The following OPTN variants were observed in gnomAD, a reference collection of about 807,000 sequenced individuals.
OPTN encodes E3-14.7K-interacting protein.
Under a neutral mutation model 70.4 loss-of-function variants are expected in OPTN, and 54 were observed. That is an observed-to-expected ratio of 0.77 (90% CI 0.62 to 0.96). The LOEUF (loss-of-function observed/expected upper bound fraction) is 0.96, where lower values mean the gene tolerates loss of function less well. OPTN is among the 40% of genes least tolerant of loss of function. The pLI is 0.00. For missense variants in OPTN, 624 were observed against 673.2 expected (o/e 0.93, Z 0.81); for synonymous variants, 256 against 248.5 (o/e 1.03, Z -0.28).
At chr10:13,133,399 A>T in intron 13 of OPTN, 103 bp from the exon 14 acceptor site, 1 of 943,000 alleles carries the variant, frequency 1.1e-6, no homozygotes, top group East Asian at 2.5e-5. Flanking sequence ...TTGGCAGTGT[A>T]GTTTGAGTCT....
rs932681209 is a variant in OPTN at position 13,138,181 on chromosome 10, CT to C, written c.*1317del. On this transcript the variant is annotated 3_prime_UTR_variant, in exon 15 of 15. Coordinates refer to ENST00000378747, the MANE Select transcript of OPTN (RefSeq NM_001008212.2). Reference sequence around the variant, plus strand: ...AGAAGGTGAATAGGTAGGGATTTGCCTTGTTTTGTAAGTCTACAATTTGCCA... The same window carrying C: ...AGAAGGTGAATAGGTAGGGATTTGCCTGTTTTGTAAGTCTACAATTTGCCA... 3.7e-5 allele frequency: 7 copies of C among 191,170 alleles called. No individual in the cohort carries two copies. Among genetic ancestry groups the C allele is most frequent in the Admixed American group, 2.5e-4 (4 of 16,274 alleles). 11.8% of individuals were successfully genotyped at this position (191,170 alleles called of 1,614,324 possible). A position where few individuals can be genotyped will look rare whatever the true frequency, so the allele number is the denominator to read the frequency against.
intron 1 of OPTN, among the ~76,000 whole-genome samples, chr10:13,106,897 C>A (rs555200422): frequency 9.8e-4 from 149 of 152,288 alleles, no homozygotes; most frequent in African/African-American, 3.4e-3. Flanking sequence ...TTCACACAGG[C>A]TCCATAGTCA....
At chr10:13,111,912 ATCTC>A (rs1225835647) in intron 4 of OPTN, among the ~76,000 whole-genome samples, 12 of 137,478 alleles carry the variant, frequency 8.7e-5, no homozygotes, top group African/African-American at 1.9e-4. Context: ...CAGTGGCATA[ATCTC>A]GGCTCACTGC....
chr10:13,118,208 G>A (rs1195883519), intron 6 of OPTN, among the ~76,000 whole-genome samples: 1 of 152,208 alleles, frequency 6.6e-6, no homozygotes, highest in Admixed American at 6.5e-5. Context: ...TTTAATCCTG[G>A]CTGTTTATTA....
At chr10:13,109,941 C>T (rs1832959783) in intron 3 of OPTN, among the ~76,000 whole-genome samples, 1 of 148,826 alleles carries the variant, frequency 6.7e-6, no homozygotes, top group Non-Finnish European at 1.5e-5. Context: ...CTCAAGATGG[C>T]TTTGGGCAGG....
rs747609222 is a variant in OPTN at position 13,112,634 on chromosome 10, C to T, written c.551C>T (p.Ala184Val). Residue 184 changes from alanine to valine, a missense_variant and splice_region_variant, in exon 5 of 15, where the codon GCT becomes GTT. Transcript: ENST00000378747. ...SEDSFVEIRM[A>V]EGEAEGSVKE... is the part of the protein sequence containing the mutation. ...GATTCCTTTGTTGAAATTAGGATGG[C>T]TGTGAGTTTTTGGTTTTATTTTTGT... The T allele has an allele frequency of 8.7e-6, 14 of 1,614,122 alleles. No homozygotes were observed. The highest frequency in any genetic ancestry group is 1.2e-5 in the Non-Finnish European group (14 of 1,179,990).
chr10:13,134,896 C>T (rs1290605659), intron 14 of OPTN, among the ~76,000 whole-genome samples: 4 of 152,196 alleles, frequency 2.6e-5, no homozygotes, highest in Non-Finnish European at 5.9e-5. Context: ...TTGAGTCCTC[C>T]AGGATGTGCA....
In OPTN at chr10:13,109,294, C is replaced by T; in HGVS notation, c.166+6C>T. On this transcript the variant is annotated splice_donor_region_variant and intron_variant, in intron 3 of 14. Coordinates refer to ENST00000378747, the MANE Select transcript of OPTN (RefSeq NM_001008212.2). ...CGAGAACCACCAGCTGAAAGGTGAG[C>T]AGGGCTGGCCCCTGTGTGCCCCATT... 1 of 1,613,780 alleles carries T rather than the reference C, an allele frequency of 6.2e-7. No individual in the cohort carries two copies. Among genetic ancestry groups the T allele is most frequent in the Non-Finnish European group, 8.5e-7 (1 of 1,179,854 alleles).
rs557891455 is a variant in OPTN at position 13,103,240 on chromosome 10, C to G, written c.-164+2938C>G. On this transcript the variant is annotated intron_variant, in intron 1 of 14. Transcript: ENST00000378747. ...GTCAATGCAATGTTAGAATCTTACCCCCCTTGTGAACCCAAACTCTTCATA... is the reference window on the plus strand; with the variant it reads ...GTCAATGCAATGTTAGAATCTTACCGCCCTTGTGAACCCAAACTCTTCATA... Among the ~76,000 whole-genome samples, 68 of 152,226 alleles carry G rather than the reference C, an allele frequency of 4.5e-4. 1 individual carries two copies. Among genetic ancestry groups the G allele is most frequent in the Admixed American group, 3.9e-3 (60 of 15,286 alleles).
At chr10:13,132,425 C>T (rs573248937) in intron 13 of OPTN, among the ~76,000 whole-genome samples, 1 of 152,260 alleles carries the variant, frequency 6.6e-6, no homozygotes, top group East Asian at 1.9e-4. Context: ...GTTTGTCTTA[C>T]AGGAAAGCTT....
chr10:13,134,709 T>C (rs1329735748), intron 14 of OPTN, among the ~76,000 whole-genome samples: 3 of 151,948 alleles, frequency 2.0e-5, no homozygotes, highest in Non-Finnish European at 4.4e-5. Context: ...ATTACAGGCG[T>C]GAGCCACCAC....
chr10:13,112,637 T>G lies in OPTN; in HGVS notation c.552+2T>G. 6.2e-7 allele frequency: 1 copy of G among 1,614,106 alleles called. No individual in the cohort carries two copies. ...TCCTTTGTTGAAATTAGGATGGCTG[T>G]GAGTTTTTGGTTTTATTTTTGTTTT... On this transcript the variant is annotated splice_donor_variant, in intron 5 of 14. Coordinates refer to ENST00000378747, the MANE Select transcript of OPTN (RefSeq NM_001008212.2). LOFTEE classifies it high-confidence loss of function.
At chr10:13,115,504 GA>G (rs1564360007) in intron 5 of OPTN, among the ~76,000 whole-genome samples, 1,478 of 94,914 alleles carry the variant, frequency 0.016, 100 homozygotes, top group African/African-American at 0.065. Flanking sequence ...ATATAATATA[GA>G]ATATATATAA....
intron 1 of OPTN, among the ~76,000 whole-genome samples, chr10:13,102,500 G>A (rs957908613): frequency 2.6e-5 from 4 of 152,232 alleles, no homozygotes; most frequent in African/African-American, 9.6e-5. Context: ...CTTCTATGTG[G>A]CAAGTAATGT....
intron 5 of OPTN, among the ~76,000 whole-genome samples, chr10:13,114,586 C>A (rs998132660): frequency 4.0e-5 from 6 of 150,020 alleles, no homozygotes; most frequent in African/African-American, 1.5e-4. Context: ...AAAGCACTGC[C>A]CAAGATTTAG....
intron 4 of OPTN, among the ~76,000 whole-genome samples, chr10:13,111,794 T>C (rs932830194): frequency 1.3e-5 from 2 of 151,748 alleles, no homozygotes; most frequent in African/African-American, 4.8e-5. Flanking sequence ...GTGGGGGCAA[T>C]TGAGTCTCAT....
intron 1 of OPTN, among the ~76,000 whole-genome samples, chr10:13,102,493 C>T (rs571487075): frequency 1.3e-5 from 2 of 152,364 alleles, no homozygotes; most frequent in Admixed American, 1.3e-4. Context: ...GTCCTGCCTT[C>T]TATGTGGCAA....
chr10:13,134,685 C>T (rs1833662493), intron 14 of OPTN, among the ~76,000 whole-genome samples: 1 of 152,086 alleles, frequency 6.6e-6, no homozygotes, highest in African/African-American at 2.4e-5. Flanking sequence ...ACGTCGGCCT[C>T]CCAAAGTGCT....
intron 14 of OPTN, among the ~76,000 whole-genome samples, chr10:13,134,576 G>A (rs1190129207): frequency 2.6e-5 from 4 of 152,158 alleles, no homozygotes; most frequent in Non-Finnish European, 5.9e-5. Flanking sequence ...AGGACTACAG[G>A]TGCACGCCAC....
Sources: gnomAD v4.1 joint callset for allele counts (sites outside exome capture counted in the v4.1 genomes callset) on GRCh38, gnomAD v4.1.1 for gene constraint, MANE v1.5 for transcripts, NCBI Gene and HGNC (gene_info 2026-07-23, HGNC 2026-07-21) for gene names.